The following MSH3 variants were observed in gnomAD, a reference collection of about 807,000 sequenced individuals.
MSH3 encodes mutS homolog 3.
In MSH3, 106 loss-of-function variants were observed where a neutral mutation model predicts 123.3. The ratio of observed to expected loss-of-function variants is 0.86; its 90% CI spans 0.73 to 1.01. MSH3 has a LOEUF of 1.01. Among genes scored for constraint, MSH3 ranks in the 50% least tolerant of loss-of-function variants. MSH3 has a pLI of 0.00. For synonymous variants in MSH3, 515 were observed against 481.4 expected, an observed-to-expected ratio of 1.07 and a Z score of -0.91; for missense variants, 1,459 against 1,347.6, an observed-to-expected ratio of 1.08 and a Z score of -1.29.
At chr5:80,830,440 A>G (rs1011791864) in intron 20 of MSH3, among the ~76,000 whole-genome samples, 1 of 152,234 alleles carries the variant, frequency 6.6e-6, no homozygotes, top group African/African-American at 2.4e-5. Flanking sequence ...GCATGAGGTT[A>G]TAATGTGTGC....
intron 10 of MSH3, among the ~76,000 whole-genome samples, chr5:80,729,460 G>GTATATATATATATATATATA (rs376372477): frequency 2.1e-5 from 2 of 95,032 alleles, no homozygotes; most frequent in South Asian, 4.1e-4. Context: ...GTGTGTGTGT[G>GTATATATATATATATATATA]TATATATATA....
chr5:80,852,195 A>G (rs914970483), intron 20 of MSH3, among the ~76,000 whole-genome samples: 6 of 152,160 alleles, frequency 3.9e-5, no homozygotes, highest in African/African-American at 1.4e-4. Flanking sequence ...GTGTGGTGGC[A>G]TGCGCCAGTG....
intron 3 of MSH3, among the ~76,000 whole-genome samples, chr5:80,665,633 A>T (rs1427829056): frequency 6.6e-6 from 1 of 152,176 alleles, no homozygotes; most frequent in African/African-American, 2.4e-5. Context: ...GGAGCCCTTG[A>T]CTTGGAGGGA....
At chr5:80,849,532 C>T (rs896564790) in intron 20 of MSH3, among the ~76,000 whole-genome samples, 1 of 152,182 alleles carries the variant, frequency 6.6e-6, no homozygotes, top group African/African-American at 2.4e-5. Flanking sequence ...GTTCCCAAAC[C>T]TCAGTTCTTG....
chr5:80,667,111 T>C (rs1044252679), intron 3 of MSH3, among the ~76,000 whole-genome samples: 19 of 152,226 alleles, frequency 1.2e-4, no homozygotes, highest in Non-Finnish European at 2.4e-4. Flanking sequence ...AGTTGCTTAA[T>C]ATTCAAGTAT....
At chr5:80,802,592 C>T (rs544183501) in intron 19 of MSH3, among the ~76,000 whole-genome samples, 2 of 152,090 alleles carry the variant, frequency 1.3e-5, no homozygotes, top group South Asian at 4.2e-4. Context: ...CAGTTATACT[C>T]TTAGTTATTT....
chr5:80,741,674 GA>G, intron 11 of MSH3, 126 bp downstream of exon 11: 1 of 729,816 alleles, frequency 1.4e-6, no homozygotes, highest in South Asian at 1.5e-5. Context: ...AGTATTAATT[GA>G]TAACTGTAGC....
chr5:80,672,137 A>T lies in MSH3; in HGVS notation c.793-107A>T, dbSNP rs1749737684. 1.5e-5 allele frequency: 13 copies of T among 844,856 alleles called. No homozygotes were observed. In the South Asian group the frequency reaches 1.8e-4, roughly 12 times the overall value. The allele number at this position is 844,856 out of a possible 1,614,324, so 52.3% of individuals were successfully genotyped here. On this transcript the variant is annotated intron_variant, in intron 4 of 23. Coordinates refer to ENST00000265081, the MANE Select transcript of MSH3 (RefSeq NM_002439.5). The stretch of plus-strand genomic sequence containing the variant: ...CATAGTACACATTTAGATTAAGTGT[A>T]CAAATCCTAAATGTATACCTTGATT...
chr5:80,767,394 A>G (rs544569155), intron 13 of MSH3, among the ~76,000 whole-genome samples: 17 of 152,228 alleles, frequency 1.1e-4, no homozygotes, highest in African/African-American at 1.9e-4. Context: ...TGAAGCTTTT[A>G]AATCTTTGGC....
At chr5:80,741,358 T>C (rs1295122073) in intron 10 of MSH3, 106 bp from the exon 11 acceptor site, 1 of 756,644 alleles carries the variant, frequency 1.3e-6, no homozygotes, top group Non-Finnish European at 2.3e-6. Flanking sequence ...TCTATCAGAA[T>C]GCTAATTTTT....
At chr5:80,812,410 CTACT>C (rs1222129001) in intron 19 of MSH3, among the ~76,000 whole-genome samples, 1 of 152,070 alleles carries the variant, frequency 6.6e-6, no homozygotes, top group East Asian at 1.9e-4. Context: ...TTTCTCATAA[CTACT>C]TACTTATGAT....
rs184069821 is a variant in MSH3 at position 80,692,011 on chromosome 5, A to G, written c.1340+12918A>G. ...TATATGTTTAGATAGATAAACATGTATATGTTTAGATAGATAAACAGTATG... is the reference window on the plus strand; with the variant it reads ...TATATGTTTAGATAGATAAACATGTGTATGTTTAGATAGATAAACAGTATG... On this transcript the variant is annotated intron_variant, in intron 8 of 23. Transcript: ENST00000265081. Among the ~76,000 whole-genome samples the G allele has an allele frequency of 2.1e-5, 2 of 96,914 alleles. 1 individual carries two copies. Among genetic ancestry groups the G allele is most frequent in the Admixed American group, 2.1e-4 (2 of 9,718 alleles). The allele number at this position is 96,914 out of a possible 152,430, so 63.6% of individuals were successfully genotyped here. A position where few individuals can be genotyped will look rare whatever the true frequency, so the allele number is the denominator to read the frequency against.
chr5:80,757,963 C>T (rs1743957690), intron 12 of MSH3, among the ~76,000 whole-genome samples: 1 of 152,160 alleles, frequency 6.6e-6, no homozygotes, highest in Non-Finnish European at 1.5e-5. Context: ...TTATACCTAA[C>T]CGCAGTGATG....
chr5:80,825,857 A>G (rs1034715056), intron 20 of MSH3, among the ~76,000 whole-genome samples: 5 of 152,154 alleles, frequency 3.3e-5, no homozygotes, highest in African/African-American at 1.2e-4. Context: ...TGCTAGGGAC[A>G]TTTTTTCTCT....
intron 7 of MSH3, 43 bp downstream of exon 7, chr5:80,675,171 G>A (rs778559988): frequency 1.3e-6 from 2 of 1,596,348 alleles, no homozygotes; most frequent in Non-Finnish European, 1.7e-6. Flanking sequence ...GATGTTCATG[G>A]TATCTCTAAA....
chr5:80,848,814 C>T (rs549200346), intron 20 of MSH3, among the ~76,000 whole-genome samples: 1 of 152,236 alleles, frequency 6.6e-6, no homozygotes, highest in East Asian at 1.9e-4. Context: ...CATGTTATTC[C>T]ACCCCTGGCC....
At chr5:80,853,123 T>A (rs982700258) in intron 20 of MSH3, among the ~76,000 whole-genome samples, 5 of 152,160 alleles carry the variant, frequency 3.3e-5, no homozygotes, top group African/African-American at 4.8e-5. Context: ...TGGAAGACAT[T>A]TCAGGGACCA....
At chr5:80,699,662 A>G (rs1750565308) in intron 8 of MSH3, among the ~76,000 whole-genome samples, 1 of 151,960 alleles carries the variant, frequency 6.6e-6, no homozygotes, top group Admixed American at 6.6e-5. Flanking sequence ...TTTACATTAT[A>G]CAGATGTAGC....
intron 20 of MSH3, among the ~76,000 whole-genome samples, chr5:80,815,691 T>C (rs980568894): frequency 1.6e-4 from 25 of 152,012 alleles, no homozygotes; most frequent in Admixed American, 2.0e-4. Flanking sequence ...TTTTAAAAAA[T>C]TTTTTTAGGA....
Sources: gnomAD v4.1 joint callset for allele counts (sites outside exome capture counted in the v4.1 genomes callset) on GRCh38, gnomAD v4.1.1 for gene constraint, MANE v1.5 for transcripts, NCBI Gene and HGNC (gene_info 2026-07-23, HGNC 2026-07-21) for gene names.